Variants in ZBTB44 observed in about 807,000 individuals in gnomAD.
ZBTB44 encodes the protein zinc finger and BTB domain-containing protein 44.
In ZBTB44, 15 loss-of-function variants were observed where a neutral mutation model predicts 54.0. That is an observed-to-expected ratio of 0.28 (90% CI 0.19 to 0.43). ZBTB44 has a LOEUF of 0.43. ZBTB44 is among the 20% of genes least tolerant of loss of function. The pLI, the probability that ZBTB44 is intolerant of heterozygous loss-of-function variation, is 1.00. For missense variants in ZBTB44, 487 were observed against 707.1 expected (o/e 0.69, Z 3.53); for synonymous variants, 230 against 250.1 (o/e 0.92, Z 0.76).
At chr11:130,235,690 T>C (rs560083553) in intron 5 of ZBTB44, among the ~76,000 whole-genome samples, 1 of 151,038 alleles carries the variant, frequency 6.6e-6, no homozygotes, top group Admixed American at 6.6e-5. Context: ...GTTTTAAAAA[T>C]AAGGGTGATT....
rs866073548 is a variant in ZBTB44 at position 130,268,249 on chromosome 11, G to C, written c.-56-6320C>G. On this transcript the variant is annotated intron_variant, in intron 1 of 7. Transcript: ENST00000357899. ...AAAAAAAAAAAAAGCGGGGGGTGGA[G>C]TGGGGTAGGGGAAGAAAGATTCAAC... 2.6e-5 allele frequency among the ~76,000 whole-genome samples: 4 copies of C among 151,278 alleles called. No homozygotes were observed. In the South Asian group the frequency reaches 8.4e-4, roughly 32 times the overall value.
At chr11:130,311,255 G>C (rs1054966160) in intron 1 of ZBTB44, among the ~76,000 whole-genome samples, 1 of 151,574 alleles carries the variant, frequency 6.6e-6, no homozygotes, top group Non-Finnish European at 1.5e-5. Context: ...CATCCAGGCT[G>C]AAGTGCAGTG....
At chr11:130,295,506 T>C (rs1372644849) in intron 1 of ZBTB44, 24 of 699,400 alleles carry the variant, frequency 3.4e-5, no homozygotes, top group South Asian at 2.8e-4. Context: ...GAAAATAACG[T>C]AGAGAAGCCA....
chr11:130,227,066 T>C lies in ZBTB44; in HGVS notation c.*4698A>G, dbSNP rs756842106. 8 of 152,054 alleles carry C rather than the reference T, an allele frequency of 5.3e-5. No individual in the cohort carries two copies. Among genetic ancestry groups the C allele is most frequent in the Non-Finnish European group, 8.8e-5 (6 of 68,028 alleles). The allele number at this position is 152,054 out of a possible 1,614,324, so 9.4% of individuals were successfully genotyped here. A position where few individuals can be genotyped will look rare whatever the true frequency, so the allele number is the denominator to read the frequency against. On this transcript the variant is annotated 3_prime_UTR_variant, in exon 8 of 8. Coordinates refer to ENST00000357899, the MANE Select transcript of ZBTB44 (RefSeq NM_001301098.2). ...TTGATTACAATAACCCTAAAAATGA[T>C]TGTAACGTTGAAACGGCACTTAGTT...
chr11:130,262,886 T>C (rs1009772046), intron 1 of ZBTB44, among the ~76,000 whole-genome samples: 3 of 151,758 alleles, frequency 2.0e-5, no homozygotes, highest in African/African-American at 7.3e-5. Context: ...GGCAAAACCC[T>C]GTCTCTACAA....
chr11:130,254,975 C>CA (rs1293472766), intron 2 of ZBTB44, among the ~76,000 whole-genome samples: 4 of 147,884 alleles, frequency 2.7e-5, no homozygotes, highest in Admixed American at 7.0e-5. Flanking sequence ...ATCACAAGGA[C>CA]AAAAAACCAA....
At chr11:130,285,674 T>C in intron 1 of ZBTB44, 1 of 269,446 alleles carries the variant, frequency 3.7e-6, no homozygotes. Context: ...TTGCTGCTTC[T>C]ACAATTCTTT....
chr11:130,289,336 C>T (rs988202850), intron 1 of ZBTB44, among the ~76,000 whole-genome samples: 3 of 151,744 alleles, frequency 2.0e-5, no homozygotes, highest in South Asian at 2.1e-4. Flanking sequence ...TACAAAAATT[C>T]GTCAGGCACA....
At chr11:130,266,562 C>T (rs1052304483) in intron 1 of ZBTB44, among the ~76,000 whole-genome samples, 1 of 152,230 alleles carries the variant, frequency 6.6e-6, no homozygotes, top group Non-Finnish European at 1.5e-5. Flanking sequence ...GGAAAAGATT[C>T]ATCATTCTAG....
intron 1 of ZBTB44, among the ~76,000 whole-genome samples, chr11:130,312,943 G>A (rs1190370224): frequency 6.6e-6 from 1 of 152,196 alleles, no homozygotes; most frequent in Non-Finnish European, 1.5e-5. Context: ...CACACATACA[G>A]AGAAAGACAG....
intron 1 of ZBTB44, chr11:130,296,976 A>G: frequency 4.0e-6 from 3 of 746,186 alleles, no homozygotes; most frequent in South Asian, 1.4e-5. Context: ...TGACTACCAG[A>G]AAATCAAGAA....
At chr11:130,311,369 T>G (rs1006980867) in intron 1 of ZBTB44, among the ~76,000 whole-genome samples, 1 of 152,040 alleles carries the variant, frequency 6.6e-6, no homozygotes, top group Admixed American at 6.6e-5. Flanking sequence ...CCACCACGCC[T>G]GGCTAATTTT....
chr11:130,246,343 T>G (rs1345873166), intron 2 of ZBTB44, among the ~76,000 whole-genome samples: 1 of 152,034 alleles, frequency 6.6e-6, no homozygotes, highest in African/African-American at 2.4e-5. Context: ...GAGGTGACAG[T>G]GATGTTTCTT....
At chr11:130,235,323 G>T (rs934524311) in intron 5 of ZBTB44, among the ~76,000 whole-genome samples, 24 of 152,150 alleles carry the variant, frequency 1.6e-4, no homozygotes, top group African/African-American at 5.8e-4. Flanking sequence ...AAGATAACAT[G>T]AGTAGTTAAC....
chr11:130,251,071 C>T (rs1247082750), intron 2 of ZBTB44, among the ~76,000 whole-genome samples: 1 of 152,150 alleles, frequency 6.6e-6, no homozygotes, highest in East Asian at 1.9e-4. Context: ...CAACTGCTAA[C>T]TAGAATAACC....
chr11:130,278,211 A>G (rs1296635878), intron 1 of ZBTB44, among the ~76,000 whole-genome samples: 2 of 152,260 alleles, frequency 1.3e-5, no homozygotes, highest in East Asian at 3.8e-4. Flanking sequence ...TAAAGATCAC[A>G]GCTTAGTCTA....
rs141155979 is a variant in ZBTB44 at position 130,299,734 on chromosome 11, T to C, written c.-57+14641A>G. Among the ~76,000 whole-genome samples, 84 of 151,866 alleles carry C rather than the reference T, an allele frequency of 5.5e-4. 1 individual carries two copies. The East Asian group carries it at 0.015, about 26-fold the overall frequency. On this transcript the variant is annotated intron_variant, in intron 1 of 7. Coordinates refer to ENST00000357899, the MANE Select transcript of ZBTB44 (RefSeq NM_001301098.2). ...GGAATGTAAAATGGCATAGCCACTA[T>C]AGAAAACAGTATAGAGGGGCTCCTC...
At position 130,261,853 on chromosome 11, in the gene ZBTB44, AGTAAAT is replaced by A. The variant is rs1938884069; in HGVS notation, c.15_20del (p.Phe6_Thr7del). 6.2e-7 allele frequency: 1 copy of A among 1,608,768 alleles called. No homozygotes were observed. The highest frequency in any genetic ancestry group is 1.3e-5 in the African/African-American group (1 of 74,856). ...CCTGGCTGTGGGAAGAGGAGCTATGAGTAAATGTTTTCACACCCATCTTTTACTTCC... is the reference window on the plus strand; with the variant it reads ...CCTGGCTGTGGGAAGAGGAGCTATGAGTTTTCACACCCATCTTTTACTTCC... On this transcript the variant is annotated inframe_deletion, in exon 2 of 8. Transcript: ENST00000357899. This position sits in a 1 kb window ranked among gnomAD's most constrained non-coding sequence, Gnocchi z 4.8.
At position 130,239,837 on chromosome 11, in the gene ZBTB44, T is replaced by C; in HGVS notation, c.1078A>G (p.Asn360Asp). The change falls in exon 3 of 8, where the codon AAT becomes GAT. Residue 360 changes from asparagine to aspartate, a missense_variant. Coordinates refer to ENST00000357899, the MANE Select transcript of ZBTB44 (RefSeq NM_001301098.2). The stretch of plus-strand genomic sequence containing the variant: ...CGATCATCATCATCCGGAGGAGCAT[T>C]AGTGCTAGACGTGCTTTGAAGTGTA... ...LPTLQSTSSTNAPPDDDDRLE... is the reference protein window; with the variant it reads ...LPTLQSTSSTDAPPDDDDRLE... 2 of 1,612,620 alleles carry C rather than the reference T, an allele frequency of 1.2e-6. No individual in the cohort carries two copies. Among genetic ancestry groups the C allele is most frequent in the Non-Finnish European group, 1.7e-6 (2 of 1,179,074 alleles).
Sources: gnomAD v4.1 joint callset for allele counts (sites outside exome capture counted in the v4.1 genomes callset) on GRCh38, gnomAD v4.1.1 for gene constraint, Gnocchi (gnomAD v3.1) non-coding constraint, MANE v1.5 for transcripts, NCBI Gene and HGNC (gene_info 2026-07-23, HGNC 2026-07-21) for gene names.